Variants in TTLL12 observed in about 807,000 individuals in gnomAD.
The protein encoded by TTLL12 is tubulin--tyrosine ligase-like protein 12.
A neutral mutation model predicts 79.6 loss-of-function variants in TTLL12; 77 were observed. The observed-to-expected ratio is 0.97, with a 90% CI of 0.81 to 1.17. The LOEUF (loss-of-function observed/expected upper bound fraction) is 1.17. Among genes scored for constraint, TTLL12 ranks in the 50% most tolerant of loss-of-function variants. The pLI is 0.00. For synonymous variants in TTLL12, 437 were observed against 376.1 expected (o/e 1.16, Z -1.87); for missense variants, 969 against 895.9 (o/e 1.08, Z -1.04).
At chr22:43,170,239 G>C (rs1931729944) in intron 11 of TTLL12, 1 of 283,642 alleles carries the variant, frequency 3.5e-6, no homozygotes, top group South Asian at 3.4e-5. Context: ...CTCAGAACCT[G>C]AGGGCGACTT....
Position 43,183,070 on chromosome 22 carries a change from A to T in TTLL12, c.257T>A (p.Val86Glu). ...EEEEDEAARE[V>E]RKQQPNPGNE... ...CCCCGGGTTGGGCTGCTGCTTCCGC[A>T]CCTCCCGGGCTGCCTCGTCCTCCTC... Residue 86 changes from valine to glutamate, a missense_variant, in exon 2 of 14, where the codon GTG becomes GAG. By Grantham distance (121) the Val-to-Glu change is moderately radical. Coordinates refer to ENST00000216129, the MANE Select transcript of TTLL12 (RefSeq NM_015140.4). The T allele has an allele frequency of 6.2e-7, 1 of 1,613,518 alleles. No homozygotes were observed. Among genetic ancestry groups the T allele is most frequent in the Non-Finnish European group, 8.5e-7 (1 of 1,179,910 alleles).
chr22:43,176,358 G>T lies in TTLL12; in HGVS notation c.879C>A (p.Asp293Glu). The change falls in exon 6 of 14, where the codon GAC becomes GAA. Residue 293 changes from aspartate to glutamate, a missense_variant. Asp to Glu is a conservative substitution (Grantham distance 45, BLOSUM62 2). Transcript: ENST00000216129. ...LEENKEKLPL[D>E]INPVVHPHGH... is the part of the protein sequence containing the mutation. Reference sequence around the variant, plus strand: ...CGTGGGGGTGCACCACGGGGTTGATGTCAAGTGGCAGCTTCTCCTTGTTTT... The same window carrying T: ...CGTGGGGGTGCACCACGGGGTTGATTTCAAGTGGCAGCTTCTCCTTGTTTT... 1 of 1,605,554 alleles carries T rather than the reference G, an allele frequency of 6.2e-7. No homozygotes were observed. Among genetic ancestry groups the T allele is most frequent in the Non-Finnish European group, 8.5e-7 (1 of 1,177,096 alleles).
In TTLL12 at chr22:43,168,068, G is replaced by A. The variant is rs749251860; in HGVS notation, c.1875C>T (p.Asp625=). ...GGTCCAGAAACAAGGTGCTGAAGACGTCGTTGAAGAAGGTGGGGTGGTACC... is the reference window on the plus strand; with the variant it reads ...GGTCCAGAAACAAGGTGCTGAAGACATCGTTGAAGAAGGTGGGGTGGTACC... The part of the protein sequence containing the change: ...ACRYHPTFFN[D]VFSTLFLDQP... Residue 625 remains aspartate, a synonymous_variant, in exon 14 of 14, where the codon GAC becomes GAT. Transcript: ENST00000216129. 4.0e-5 allele frequency: 65 copies of A among 1,614,064 alleles called. No individual in the cohort carries two copies. The highest frequency in any genetic ancestry group is 1.7e-5 in the Admixed American group (1 of 60,004).
At chr22:43,172,598 C>T in intron 9 of TTLL12, 44 bp from the exon 10 acceptor site, 5 of 1,611,456 alleles carry the variant, frequency 3.1e-6, no homozygotes, top group Non-Finnish European at 4.2e-6. Flanking sequence ...AGGACAGAGC[C>T]CCCTGGGGCT....
chr22:43,179,140 A>G (rs1931987168), intron 5 of TTLL12, among the ~76,000 whole-genome samples: 1 of 152,212 alleles, frequency 6.6e-6, no homozygotes, highest in African/African-American at 2.4e-5. Context: ...CCAGCCAGGC[A>G]CTACCGAGTG....
intron 5 of TTLL12, 133 bp downstream of exon 5, chr22:43,179,486 A>C: frequency 4.6e-6 from 6 of 1,302,494 alleles, no homozygotes; most frequent in Non-Finnish European, 6.1e-6. Flanking sequence ...AGGCTCCCAA[A>C]ACTCTATGCC....
chr22:43,169,722 G>T (rs948500450), intron 11 of TTLL12, 154 bp from the exon 12 acceptor site: 2 of 725,986 alleles, frequency 2.8e-6, no homozygotes, highest in Non-Finnish European at 2.5e-6. Context: ...CAAACAGGAG[G>T]CAGGAGATGG....
chr22:43,174,531 G>A lies in TTLL12; in HGVS notation c.1002C>T (p.Ile334=). The part of the protein sequence containing the change: ...TLTQSEADAD[I]LFNFSHFKDY... Reference sequence around the variant, plus strand: ...CCTTGAAGTGTGAGAAGTTGAAGAGGATGTCGGCGTCCGCCTCACTCTGGG... The same window carrying A: ...CCTTGAAGTGTGAGAAGTTGAAGAGAATGTCGGCGTCCGCCTCACTCTGGG... The change falls in exon 7 of 14, where the codon ATC becomes ATT. Residue 334 remains isoleucine, a synonymous_variant. Transcript: ENST00000216129. The A allele has an allele frequency of 5.6e-6, 9 of 1,613,452 alleles. 1 individual carries two copies. Among genetic ancestry groups the A allele is most frequent in the South Asian group, 2.2e-5 (2 of 90,994 alleles).
intron 1 of TTLL12, among the ~76,000 whole-genome samples, chr22:43,185,295 ATATATG>A (rs1932155876): frequency 1.4e-5 from 1 of 73,482 alleles, no homozygotes; most frequent in Non-Finnish European, 2.9e-5. Context: ...ATATATATAT[ATATATG>A]TATGTATCTT....
rs1414191931 is a variant in TTLL12, at chr22:43,172,018, C to T, written c.1494-118G>A. ...TCAGGGCTCAGGGCAGGACCACCTG[C>T]TGCTCAGGCGGGAGCCTGTTCCCTT... On this transcript the variant is annotated intron_variant, in intron 10 of 13. Transcript: ENST00000216129. The T allele has an allele frequency of 3.6e-6, 3 of 835,704 alleles. No homozygotes were observed. The African/African-American group carries it at 5.1e-5, about 14-fold the overall frequency. The allele number at this position is 835,704 out of a possible 1,614,324, so 51.8% of individuals were successfully genotyped here.
At chr22:43,171,967 C>T in intron 10 of TTLL12, 67 bp from the exon 11 acceptor site, 1 of 1,364,082 alleles carries the variant, frequency 7.3e-7, no homozygotes, top group Non-Finnish European at 1.0e-6. Context: ...GGAGGTGCCA[C>T]CCACTCAGCC....
At chr22:43,171,009 CT>C (rs1931750654) in intron 11 of TTLL12, among the ~76,000 whole-genome samples, 1 of 152,230 alleles carries the variant, frequency 6.6e-6, no homozygotes, top group Non-Finnish European at 1.5e-5. Context: ...AAAGACATGC[CT>C]GGGAATGACA....
chr22:43,169,981 C>A, intron 11 of TTLL12: 1 of 420,800 alleles, frequency 2.4e-6, no homozygotes, highest in South Asian at 1.7e-5. Context: ...GCCGCGGGAC[C>A]TGCCTGTGCC....
Position 43,173,833 on chromosome 22 carries a change from A to G in TTLL12, c.1230-7T>C, listed in dbSNP as rs201090592. ...CCAGTGGTTGTCCTCGCCCCTGGGG[A>G]GCAGAAGGGCTGTCTGGGGGGCGCC... On this transcript the variant is annotated splice_polypyrimidine_tract_variant and splice_region_variant and intron_variant, in intron 8 of 13. Coordinates refer to ENST00000216129, the MANE Select transcript of TTLL12 (RefSeq NM_015140.4). 3 of 1,600,130 alleles carry G rather than the reference A, an allele frequency of 1.9e-6. No homozygotes were observed. In the African/African-American group the frequency reaches 4.0e-5, roughly 21 times the overall value.
chr22:43,180,983 G>A, intron 2 of TTLL12, 43 bp from the exon 3 acceptor site: 1 of 1,588,832 alleles, frequency 6.3e-7, no homozygotes. Flanking sequence ...GGTGGGCATG[G>A]GGCAAAGGGA....
At chr22:43,186,630 C>A (rs1932191905) in intron 1 of TTLL12, among the ~76,000 whole-genome samples, 2 of 152,176 alleles carry the variant, frequency 1.3e-5, no homozygotes, top group Non-Finnish European at 2.9e-5. Flanking sequence ...CTGTGTCAGG[C>A]TCGGGTGTGT....
chr22:43,172,463 C>T lies in TTLL12; in HGVS notation c.1433G>A (p.Arg478Gln), dbSNP rs140090670. The T allele has an allele frequency of 2.7e-5, 43 of 1,614,090 alleles. No homozygotes were observed. Among genetic ancestry groups the T allele is most frequent in the East Asian group, 6.7e-5 (3 of 44,906 alleles). Reference protein sequence around the residue: ...KFDIRYIVLLRSVRPLRLFVY... With the variant: ...KFDIRYIVLLQSVRPLRLFVY... ...GAACAACCGTAGGGGCCTCACTGAC[C>T]GCAGCAGCACGATGTAGCGGATGTC... is the stretch of plus-strand genomic sequence containing the variant. The change falls in exon 10 of 14, where the codon CGG (arginine) becomes CAG (glutamine). Residue 478 changes from arginine (R) to glutamine (Q), a missense_variant. Transcript: ENST00000216129.
chr22:43,173,693 G>C (rs780421902), intron 9 of TTLL12, 22 bp downstream of exon 9: 1 of 1,595,414 alleles, frequency 6.3e-7, no homozygotes, highest in East Asian at 2.2e-5. Context: ...GAGCCCTGGG[G>C]CTCCTGGTCT....
At chr22:43,178,466 T>C (rs371646747) in intron 5 of TTLL12, among the ~76,000 whole-genome samples, 3,748 of 151,798 alleles carry the variant, frequency 0.025, 175 homozygotes, top group African/African-American at 0.079. Flanking sequence ...GGACTACAGG[T>C]GCCCGCCACC....
Sources: gnomAD v4.1 joint callset for allele counts (sites outside exome capture counted in the v4.1 genomes callset) on GRCh38, gnomAD v4.1.1 for gene constraint, MANE v1.5 for transcripts, NCBI Gene and HGNC (gene_info 2026-07-23, HGNC 2026-07-21) for gene names.